The following CHST11 variants were observed in gnomAD, a reference collection of about 807,000 sequenced individuals.
CHST11 encodes C4S-1.
In CHST11, 9 loss-of-function variants were observed where a neutral mutation model predicts 30.4. The observed-to-expected ratio is 0.30, with a 90% CI of 0.18 to 0.52. CHST11 has a LOEUF of 0.52. Ranked by LOEUF, CHST11 falls within the 20% of genes least tolerant of loss-of-function variation. CHST11 has a pLI of 0.97. For synonymous variants in CHST11, 152 were observed against 187.8 expected (o/e 0.81, Z 1.56); for missense variants, 348 against 460.6 (o/e 0.76, Z 2.24).
Position 104,609,887 on chromosome 12 carries a change from G to T in CHST11, c.204+7896G>T, listed in dbSNP as rs569810470. On this transcript the variant is annotated intron_variant, in intron 2 of 2. Transcript: ENST00000303694. Reference sequence around the variant, plus strand: ...TTTGCACATGCACATTTGGAATTTTGTTGAATAATAATAAGATGGATGATT... The same window carrying T: ...TTTGCACATGCACATTTGGAATTTTTTTGAATAATAATAAGATGGATGATT... Among the ~76,000 whole-genome samples, 6 of 152,272 alleles carry T rather than the reference G, an allele frequency of 3.9e-5. No individual in the cohort carries two copies. In the East Asian group the frequency reaches 9.6e-4, roughly 24 times the overall value.
intron 2 of CHST11, among the ~76,000 whole-genome samples, chr12:104,659,124 A>C (rs918443818): frequency 6.6e-6 from 1 of 152,228 alleles, no homozygotes; most frequent in South Asian, 2.1e-4. Flanking sequence ...GGGTTCTAAC[A>C]TGTGATGTGT....
intron 2 of CHST11, among the ~76,000 whole-genome samples, chr12:104,637,496 T>TA (rs1047875790): frequency 5.3e-5 from 8 of 152,052 alleles, no homozygotes; most frequent in South Asian, 2.1e-4. Flanking sequence ...TAATAATTTT[T>TA]AAAAAAACCA....
intron 1 of CHST11, among the ~76,000 whole-genome samples, chr12:104,470,449 C>G (rs2037497638): frequency 6.6e-6 from 1 of 152,142 alleles, no homozygotes; most frequent in South Asian, 2.1e-4. Context: ...ATGGGGGAAA[C>G]CACCCCCATG....
intron 1 of CHST11, among the ~76,000 whole-genome samples, chr12:104,572,150 A>G (rs1442088919): frequency 1.3e-5 from 2 of 151,920 alleles, no homozygotes; most frequent in Non-Finnish European, 2.9e-5. Flanking sequence ...ATCGATGTTC[A>G]TCAGGGATAT....
chr12:104,709,777 A>G (rs975410211), intron 2 of CHST11, among the ~76,000 whole-genome samples: 1 of 152,218 alleles, frequency 6.6e-6, no homozygotes, highest in African/African-American at 2.4e-5. Context: ...GACAGAGGGT[A>G]ACAGCGAAAG....
chr12:104,476,201 C>CA, intron 1 of CHST11, among the ~76,000 whole-genome samples: 1 of 143,598 alleles, frequency 7.0e-6, no homozygotes, highest in African/African-American at 2.6e-5. Context: ...TAAACACATG[C>CA]AAAAACAATA....
At chr12:104,749,600 T>C (rs924510997) in intron 2 of CHST11, among the ~76,000 whole-genome samples, 1 of 152,226 alleles carries the variant, frequency 6.6e-6, no homozygotes, top group African/African-American at 2.4e-5. Context: ...GCATTCTCTT[T>C]TACTATGAGG....
At chr12:104,567,927 C>T (rs2136021285) in intron 1 of CHST11, among the ~76,000 whole-genome samples, 1 of 152,342 alleles carries the variant, frequency 6.6e-6, no homozygotes, top group South Asian at 2.1e-4. Flanking sequence ...GACACCGAAT[C>T]TGCTATTGCT....
chr12:104,491,688 G>C (rs2037748925), intron 1 of CHST11, among the ~76,000 whole-genome samples: 1 of 151,936 alleles, frequency 6.6e-6, no homozygotes, highest in South Asian at 2.1e-4. Context: ...ATGTTCCCAG[G>C]CTAGTCTCAA....
At chr12:104,471,735 T>C (rs964402425) in intron 1 of CHST11, among the ~76,000 whole-genome samples, 1 of 152,156 alleles carries the variant, frequency 6.6e-6, no homozygotes, top group African/African-American at 2.4e-5. Flanking sequence ...TTGCAACAGG[T>C]ACTCAATATT....
intron 2 of CHST11, among the ~76,000 whole-genome samples, chr12:104,607,268 G>T (rs1405409701): frequency 1.3e-5 from 2 of 152,114 alleles, no homozygotes; most frequent in African/African-American, 4.8e-5. Flanking sequence ...TGATTTCATT[G>T]AATGTTTTAG....
chr12:104,702,784 C>T (rs758544132), intron 2 of CHST11, among the ~76,000 whole-genome samples: 31 of 152,244 alleles, frequency 2.0e-4, no homozygotes, highest in Non-Finnish European at 4.3e-4. Flanking sequence ...GATGTTGGCT[C>T]AGACAGTACC....
intron 1 of CHST11, among the ~76,000 whole-genome samples, chr12:104,488,650 T>TGC (rs1166531744): frequency 3.3e-5 from 5 of 151,554 alleles, no homozygotes; most frequent in African/African-American, 9.7e-5. Context: ...TGTGTATGTG[T>TGC]GTGTGTATGT....
chr12:104,731,125 T>C (rs997509301), intron 2 of CHST11, among the ~76,000 whole-genome samples: 1 of 152,210 alleles, frequency 6.6e-6, no homozygotes, highest in African/African-American at 2.4e-5. Context: ...ATTGGCTGTC[T>C]CCTGCATCCT....
At chr12:104,736,387 A>G (rs895575641) in intron 2 of CHST11, among the ~76,000 whole-genome samples, 3 of 152,212 alleles carry the variant, frequency 2.0e-5, no homozygotes, top group African/African-American at 7.2e-5. Flanking sequence ...GATGATAAGA[A>G]AAAGACCAGT....
At chr12:104,594,208 G>A (rs1434711067) in intron 1 of CHST11, among the ~76,000 whole-genome samples, 1 of 152,150 alleles carries the variant, frequency 6.6e-6, no homozygotes, top group African/African-American at 2.4e-5. Context: ...CTCCAGCCCT[G>A]CTTTGGGACC....
intron 2 of CHST11, among the ~76,000 whole-genome samples, chr12:104,745,041 T>C (rs796870516): frequency 2.6e-5 from 4 of 152,042 alleles, no homozygotes; most frequent in African/African-American, 9.7e-5. Flanking sequence ...GCCTGGGTAA[T>C]TTTTGTATTT....
At position 104,590,413 on chromosome 12, in the gene CHST11, C is replaced by T. The variant is rs111687762; in HGVS notation, c.119-11493C>T. On this transcript the variant is annotated intron_variant, in intron 1 of 2. Coordinates refer to ENST00000303694, the MANE Select transcript of CHST11 (RefSeq NM_018413.6). The stretch of plus-strand genomic sequence containing the variant: ...GGACTGGGGTGACTGTATTTCAAAA[C>T]GGTTTAGTTTCCTGTCTTTTGGGAA... 3.5e-3 allele frequency among the ~76,000 whole-genome samples: 532 copies of T among 152,282 alleles called. 2 individuals carry two copies. The highest frequency in any genetic ancestry group is 0.011 in the African/African-American group (473 of 41,556).
chr12:104,496,385 A>G (rs144460903), intron 1 of CHST11, among the ~76,000 whole-genome samples: 175 of 152,352 alleles, frequency 1.1e-3, no homozygotes, highest in African/African-American at 3.7e-3. Flanking sequence ...TTGTTTTTTG[A>G]CTAGACCTAA....
Sources: allele counts gnomAD v4.1 joint callset (sites outside exome capture counted in the v4.1 genomes callset), GRCh38; gene constraint gnomAD v4.1.1; transcripts MANE v1.5; gene names NCBI Gene and HGNC (gene_info 2026-07-23, HGNC 2026-07-21).